Variants in LNX2 observed in about 807,000 individuals in gnomAD.
LNX2 encodes ligand of numb-protein X 2.
A neutral mutation model predicts 66.2 loss-of-function variants in LNX2; 35 were observed. The observed-to-expected ratio is 0.53, with a 90% CI of 0.40 to 0.70. The LOEUF (loss-of-function observed/expected upper bound fraction) is 0.70. Among genes scored for constraint, LNX2 ranks in the 30% least tolerant of loss-of-function variants. The probability of loss-of-function intolerance (pLI) is 0.00; values close to 1 mark genes in which losing one functional copy is unlikely to be tolerated. For missense variants in LNX2, 791 were observed against 850.8 expected (o/e 0.93, Z 0.87); for synonymous variants, 337 against 315.6 (o/e 1.07, Z -0.72).
At chr13:27,612,469 A>C (rs934402282) in intron 1 of LNX2, among the ~76,000 whole-genome samples, 5 of 152,238 alleles carry the variant, frequency 3.3e-5, no homozygotes, top group Non-Finnish European at 7.3e-5. Context: ...TGCAGAGACT[A>C]GGGCAGTTTC....
intron 1 of LNX2, among the ~76,000 whole-genome samples, chr13:27,592,457 T>C (rs1162047679): frequency 6.6e-6 from 1 of 152,152 alleles, no homozygotes; most frequent in Non-Finnish European, 1.5e-5. Flanking sequence ...GCAGGTTTAA[T>C]GGGTATGCTC....
chr13:27,611,009 A>G (rs1439916177), intron 1 of LNX2, among the ~76,000 whole-genome samples: 3 of 152,230 alleles, frequency 2.0e-5, no homozygotes, highest in African/African-American at 4.8e-5. Context: ...CTGCACTGAC[A>G]GTGAGATTGT....
intron 1 of LNX2, among the ~76,000 whole-genome samples, chr13:27,614,753 T>C (rs1019843991): frequency 6.6e-6 from 1 of 152,220 alleles, no homozygotes; most frequent in Non-Finnish European, 1.5e-5. Flanking sequence ...TAATTATTTA[T>C]TGGTCTAAAT....
intron 1 of LNX2, among the ~76,000 whole-genome samples, chr13:27,601,398 CAT>C (rs1241163546): frequency 6.6e-6 from 1 of 152,158 alleles, no homozygotes; most frequent in African/African-American, 2.4e-5. Flanking sequence ...ACAGAAACCA[CAT>C]GATTTATAAC....
intron 1 of LNX2, among the ~76,000 whole-genome samples, chr13:27,588,331 C>T (rs1955514147): frequency 6.6e-6 from 1 of 152,150 alleles, no homozygotes; most frequent in Admixed American, 6.5e-5. Flanking sequence ...CAGAGTTTTA[C>T]TCAGCGATAA....
At chr13:27,573,661 G>A (rs1955309962) in intron 2 of LNX2, among the ~76,000 whole-genome samples, 1 of 152,058 alleles carries the variant, frequency 6.6e-6, no homozygotes, top group Non-Finnish European at 1.5e-5. Flanking sequence ...AACCCCCATG[G>A]AAGACGGGGA....
intron 7 of LNX2, among the ~76,000 whole-genome samples, chr13:27,555,173 TC>T (rs921463380): frequency 1.3e-5 from 2 of 152,202 alleles, no homozygotes; most frequent in African/African-American, 4.8e-5. Context: ...GTTCTCAAAC[TC>T]CTGGGCTCAA....
At position 27,582,857 on chromosome 13, in the gene LNX2, G is replaced by A. The variant is rs546391342; in HGVS notation, c.-100-1054C>T. 2.7e-4 allele frequency among the ~76,000 whole-genome samples: 41 copies of A among 152,100 alleles called. No individual in the cohort carries two copies. The South Asian group carries it at 8.1e-3, about 30-fold the overall frequency. On this transcript the variant is annotated intron_variant, in intron 1 of 9. Coordinates refer to ENST00000316334, the MANE Select transcript of LNX2 (RefSeq NM_153371.4). Reference sequence around the variant, plus strand: ...TATACCTAATGTAACAAACCTGCACGTTCTACACACGTATCCTGGAACTTA... The same window carrying A: ...TATACCTAATGTAACAAACCTGCACATTCTACACACGTATCCTGGAACTTA...
In LNX2 at chr13:27,559,989, G is replaced by A; in HGVS notation, c.1225-4C>T. 1 of 1,593,200 alleles carries A rather than the reference G, an allele frequency of 6.3e-7. No individual in the cohort carries two copies. Among genetic ancestry groups the A allele is most frequent in the Non-Finnish European group, 8.6e-7 (1 of 1,169,484 alleles). ...AATTCACTCTCTCTCCACTGGCCTG[G>A]AGAAAACACAAATACATTACCATAA... On this transcript the variant is annotated splice_polypyrimidine_tract_variant and splice_region_variant and intron_variant, in intron 5 of 9. Coordinates refer to ENST00000316334, the MANE Select transcript of LNX2 (RefSeq NM_153371.4).
intron 1 of LNX2, among the ~76,000 whole-genome samples, chr13:27,601,775 C>G (rs764095184): frequency 6.6e-6 from 1 of 152,050 alleles, no homozygotes. Context: ...TAGTCTTGAA[C>G]TCCTGGGCTC....
intron 1 of LNX2, among the ~76,000 whole-genome samples, chr13:27,615,709 G>GATATAT (rs1955818966): frequency 6.6e-6 from 1 of 152,164 alleles, no homozygotes; most frequent in African/African-American, 2.4e-5. Context: ...AGGAAACAGG[G>GATATAT]ATAAAGACCA....
At chr13:27,605,260 A>G (rs1320653035) in intron 1 of LNX2, among the ~76,000 whole-genome samples, 1 of 152,222 alleles carries the variant, frequency 6.6e-6, no homozygotes, top group African/African-American at 2.4e-5. Context: ...GCTGACAGAC[A>G]GGTGGACAGA....
At chr13:27,592,560 AGGAATG>A (rs1955555658) in intron 1 of LNX2, among the ~76,000 whole-genome samples, 1 of 152,242 alleles carries the variant, frequency 6.6e-6, no homozygotes, top group South Asian at 2.1e-4. Context: ...TTCAAAGACA[AGGAATG>A]GGAAGATGAT....
chr13:27,553,151 A>C, intron 8 of LNX2, 57 bp downstream of exon 8: 1 of 1,426,138 alleles, frequency 7.0e-7, no homozygotes, highest in South Asian at 1.2e-5. Context: ...CTACACACTG[A>C]TAAGGGCTGC....
At chr13:27,605,259 C>A (rs1955701844) in intron 1 of LNX2, among the ~76,000 whole-genome samples, 1 of 152,162 alleles carries the variant, frequency 6.6e-6, no homozygotes, top group East Asian at 1.9e-4. Context: ...GGCTGACAGA[C>A]AGGTGGACAG....
At chr13:27,567,497 C>T (rs1436270986) in intron 4 of LNX2, 143 bp downstream of exon 4, 8 of 676,590 alleles carry the variant, frequency 1.2e-5, no homozygotes, top group Admixed American at 5.6e-5. Context: ...ACAAATTACA[C>T]ATAAATTCTG....
intron 1 of LNX2, among the ~76,000 whole-genome samples, chr13:27,587,257 C>G (rs528148353): frequency 2.0e-5 from 3 of 152,120 alleles, no homozygotes; most frequent in Non-Finnish European, 4.4e-5. Flanking sequence ...AGCTTCAGCT[C>G]AAATTCTGCC....
chr13:27,569,144 A>G lies in LNX2; in HGVS notation c.540T>C (p.Cys180=). The G allele has an allele frequency of 6.2e-7, 1 of 1,612,368 alleles. No individual in the cohort carries two copies. The highest frequency in any genetic ancestry group is 8.5e-7 in the Non-Finnish European group (1 of 1,179,506). ...CCACAGGCACTGCGCCTGTCCCCAAACAGTCTGCTTCTGGAGATAAGGTAC... is the reference window on the plus strand; with the variant it reads ...CCACAGGCACTGCGCCTGTCCCCAAGCAGTCTGCTTCTGGAGATAAGGTAC... ...PAGTLSPEAD[C]LGTGAVPVER... Residue 180 remains cysteine, a synonymous_variant, in exon 3 of 10, where the codon TGT becomes TGC. Transcript: ENST00000316334.
At position 27,562,612 on chromosome 13, in the gene LNX2, A is replaced by G. The variant is rs1566117667; in HGVS notation, c.1025T>C (p.Leu342Pro). The G allele has an allele frequency of 1.2e-6, 2 of 1,614,046 alleles. No homozygotes were observed. The highest frequency in any genetic ancestry group is 1.7e-6 in the Non-Finnish European group (2 of 1,180,032). Residue 342 changes from leucine to proline, a missense_variant, in exon 5 of 10, where the codon CTT becomes CCT. Physicochemically the swap from Leu to Pro is moderately conservative, Grantham distance 98. Coordinates refer to ENST00000316334, the MANE Select transcript of LNX2 (RefSeq NM_153371.4). ...SPREEIFQVA[L>P]HKRDSGEQLG... ...CTGTTCACCAGAGTCCCGTTTATGAAGAGCCACTTGGAAAATCTCTTCTCG... is the reference window on the plus strand; with the variant it reads ...CTGTTCACCAGAGTCCCGTTTATGAGGAGCCACTTGGAAAATCTCTTCTCG...
Sources: gnomAD v4.1 joint callset for allele counts (sites outside exome capture counted in the v4.1 genomes callset) on GRCh38, gnomAD v4.1.1 for gene constraint, MANE v1.5 for transcripts, NCBI Gene and HGNC (gene_info 2026-07-23, HGNC 2026-07-21) for gene names.